CD200R1: variants seen among roughly 807,000 people sequenced by gnomAD.
The protein encoded by CD200R1 is CD200 receptor 1.
Under a neutral mutation model 38.1 loss-of-function variants are expected in CD200R1, and 30 were observed. The ratio of observed to expected loss-of-function variants is 0.79; its 90% confidence interval spans 0.59 to 1.07. The LOEUF is 1.07. CD200R1 is among the 50% of genes least tolerant of loss of function. The pLI is 0.00. For synonymous variants in CD200R1, 128 were observed against 152.1 expected (o/e 0.84, Z 1.16); for missense variants, 372 against 415.4 (o/e 0.90, Z 0.91).
Position 112,923,693 on chromosome 3 carries a change from T to G in CD200R1, c.1031A>C (p.Asp344Ala). The stretch of plus-strand genomic sequence containing the variant: ...TCCAACAACTTATAAAGTATGGAGG[T>G]CTGTGTCAACTTCACTTTGTAATGC... Reference protein sequence around the residue: ...SEALQSEVDTDLHTL With the variant: ...SEALQSEVDTALHTL The change falls in exon 8 of 8, where the codon GAC (aspartate) becomes GCC (alanine). Residue 344 changes from aspartate to alanine, a missense_variant. Asp to Ala is a moderately radical substitution (Grantham distance 126). Transcript: ENST00000308611. 6.4e-7 allele frequency: 1 copy of G among 1,555,266 alleles called. No individual in the cohort carries two copies. The highest frequency in any genetic ancestry group is 1.1e-5 in the South Asian group (1 of 89,334).
At chr3:112,962,920 T>C (rs528467529) in intron 1 of CD200R1, among the ~76,000 whole-genome samples, 10 of 152,324 alleles carry the variant, frequency 6.6e-5, no homozygotes, top group African/African-American at 1.9e-4. Context: ...CCAAATCTCA[T>C]CTTGAATTCC....
chr3:112,925,105 C>T lies in CD200R1; in HGVS notation c.858G>A (p.Leu286=), dbSNP rs72491121. The part of the protein sequence containing the change: ...IILTIVGFIW[L]LKVNGCRKYK... ...AATACCTGCAGCCATTGACTTTCAA[C>T]AACCAAATGAATCCCACGATGGTCA... The change falls in exon 6 of 8, where the codon TTG becomes TTA. Residue 286 remains leucine, a synonymous_variant. Transcript: ENST00000308611. 70,178 of 1,590,524 alleles carry T rather than the reference C, an allele frequency of 0.044. 2,480 individuals carry two copies. The highest frequency in any genetic ancestry group is 0.19 in the East Asian group (8,614 of 44,502).
chr3:112,971,528 C>T (rs1332079827), intron 1 of CD200R1, among the ~76,000 whole-genome samples: 1 of 152,068 alleles, frequency 6.6e-6, no homozygotes, highest in Non-Finnish European at 1.5e-5. Context: ...GAACTTTTTT[C>T]AAATGAGAAC....
rs139333737 is a variant in CD200R1 at position 112,942,741 on chromosome 3, G to GAT, written c.136+5113_136+5114dup. On this transcript the variant is annotated intron_variant, in intron 2 of 7. Coordinates refer to ENST00000308611, the MANE Select transcript of CD200R1 (RefSeq NM_138806.4). ...TACAAAAAACCTTGAAATCTAAAGA[G>GAT]ATATATATATATATGTAGTTTGAAA... Among the ~76,000 whole-genome samples the GAT allele has an allele frequency of 5.4e-3, 815 of 150,032 alleles. 8 individuals carry two copies. Among genetic ancestry groups the GAT allele is most frequent in the African/African-American group, 0.016 (676 of 41,094 alleles).
At chr3:112,952,648 A>AG (rs1336976411) in intron 1 of CD200R1, among the ~76,000 whole-genome samples, 1 of 150,762 alleles carries the variant, frequency 6.6e-6, no homozygotes, top group Non-Finnish European at 1.5e-5. Context: ...GGGTGGGAGG[A>AG]GGGGGGAGGG....
chr3:112,972,939 C>G (rs1933346273), intron 1 of CD200R1, among the ~76,000 whole-genome samples: 1 of 152,154 alleles, frequency 6.6e-6, no homozygotes, highest in South Asian at 2.1e-4. Context: ...CATGGTTAAC[C>G]TATCACACCA....
At chr3:112,966,424 A>G (rs1448617035) in intron 1 of CD200R1, among the ~76,000 whole-genome samples, 1 of 152,242 alleles carries the variant, frequency 6.6e-6, no homozygotes, top group Admixed American at 6.5e-5. Context: ...CCAATTAAAG[A>G]TAAGTAGGAT....
intron 6 of CD200R1, 24 bp downstream of exon 6, chr3:112,925,061 A>G: frequency 7.3e-7 from 1 of 1,377,074 alleles, no homozygotes; most frequent in Non-Finnish European, 1.0e-6. Flanking sequence ...GCTGAAGAAG[A>G]AAAAAACATT....
chr3:112,958,545 T>C (rs978463690), intron 1 of CD200R1, among the ~76,000 whole-genome samples: 6 of 152,186 alleles, frequency 3.9e-5, no homozygotes, highest in Admixed American at 6.5e-5. Flanking sequence ...GTATCTTGTT[T>C]GTGGTGATGA....
chr3:112,930,251 C>A (rs1057447887), intron 3 of CD200R1, among the ~76,000 whole-genome samples: 1 of 152,002 alleles, frequency 6.6e-6, no homozygotes, highest in East Asian at 1.9e-4. Context: ...TTTTAAAAAA[C>A]GATTTATTTC....
At chr3:112,938,524 C>T (rs1187247935) in intron 2 of CD200R1, among the ~76,000 whole-genome samples, 2 of 151,846 alleles carry the variant, frequency 1.3e-5, no homozygotes, top group Non-Finnish European at 2.9e-5. Flanking sequence ...TGAAAAATTC[C>T]CGGATACAGA....
chr3:112,942,882 G>A (rs1444518907), intron 2 of CD200R1, among the ~76,000 whole-genome samples: 1 of 151,568 alleles, frequency 6.6e-6, no homozygotes, highest in African/African-American at 2.4e-5. Flanking sequence ...ACATAATGAT[G>A]TGTTATCATT....
rs1940167970 is a variant in CD200R1 at position 112,921,311 on chromosome 3, A to C, written c.*2366T>G. On this transcript the variant is annotated 3_prime_UTR_variant, in exon 8 of 8. Coordinates refer to ENST00000308611, the MANE Select transcript of CD200R1 (RefSeq NM_138806.4). ...AGTCCACATTTTAAATATGTGCAAA[A>C]TTTAACAAACTGTACACTTAAATAT... is the stretch of plus-strand genomic sequence containing the variant. The C allele has an allele frequency of 6.6e-6, 1 of 152,092 alleles. No individual in the cohort carries two copies. Among genetic ancestry groups the C allele is most frequent in the South Asian group, 2.1e-4 (1 of 4,830 alleles). The allele number at this position is 152,092 out of a possible 1,614,324, so 9.4% of individuals were successfully genotyped here.
chr3:112,972,746 G>C (rs1366647218), intron 1 of CD200R1, among the ~76,000 whole-genome samples: 1 of 152,188 alleles, frequency 6.6e-6, no homozygotes, highest in Non-Finnish European at 1.5e-5. Context: ...AAAGAAAATA[G>C]GGAAACCAAA....
At chr3:112,951,462 G>A (rs116565206) in intron 1 of CD200R1, among the ~76,000 whole-genome samples, 726 of 151,890 alleles carry the variant, frequency 4.8e-3, no homozygotes, top group Middle Eastern at 8.7e-3. Context: ...GAAAATCAAG[G>A]AGAGAACACT....
At chr3:112,944,272 G>A (rs1940791486) in intron 2 of CD200R1, among the ~76,000 whole-genome samples, 1 of 151,878 alleles carries the variant, frequency 6.6e-6, no homozygotes, top group Non-Finnish European at 1.5e-5. Flanking sequence ...ATTCAAGAAT[G>A]TAGTAAAAGA....
intron 2 of CD200R1, among the ~76,000 whole-genome samples, chr3:112,941,156 A>G (rs547487961): frequency 1.3e-5 from 2 of 151,818 alleles, no homozygotes; most frequent in East Asian, 1.9e-4. Flanking sequence ...TACAAAGGGT[A>G]AGGGAAAGGG....
intron 2 of CD200R1, among the ~76,000 whole-genome samples, chr3:112,946,382 TAC>T (rs1940860763): frequency 6.6e-6 from 1 of 152,156 alleles, no homozygotes; most frequent in African/African-American, 2.4e-5. Context: ...AACCCATGGA[TAC>T]AGAGGGCCAA....
chr3:112,960,306 T>C (rs563226390), intron 1 of CD200R1, among the ~76,000 whole-genome samples: 8 of 152,218 alleles, frequency 5.3e-5, no homozygotes, highest in Non-Finnish European at 1.0e-4. Context: ...AAATGAAAAC[T>C]CTCTCCTTCA....
Sources: gnomAD v4.1 joint callset for allele counts (sites outside exome capture counted in the v4.1 genomes callset) on GRCh38, gnomAD v4.1.1 for gene constraint, MANE v1.5 for transcripts, NCBI Gene and HGNC (gene_info 2026-07-23, HGNC 2026-07-21) for gene names.